The following SYT16 variants were observed in gnomAD, a reference collection of about 807,000 sequenced individuals.
SYT16 encodes synaptotagmin 16, also known as synaptotagmin-16.
Under a neutral mutation model 61.4 loss-of-function variants are expected in SYT16, and 42 were observed. That is an observed-to-expected ratio of 0.68 (90% CI 0.53 to 0.89). The LOEUF (loss-of-function observed/expected upper bound fraction) is 0.89. Among genes scored for constraint, SYT16 ranks in the 40% least tolerant of loss-of-function variants. The probability of loss-of-function intolerance (pLI) is 0.00; values close to 1 mark genes in which losing one functional copy is unlikely to be tolerated. For synonymous variants in SYT16, 314 were observed against 302.3 expected (o/e 1.04, Z -0.40); for missense variants, 804 against 807.3 (o/e 1.00, Z 0.05).
chr14:62,014,919 A>G (rs2053608283), intron 3 of SYT16, among the ~76,000 whole-genome samples: 2 of 152,214 alleles, frequency 1.3e-5, no homozygotes, highest in Admixed American at 6.5e-5. Flanking sequence ...ATCCTGAAAT[A>G]CTAAGTACAC....
intron 3 of SYT16, among the ~76,000 whole-genome samples, chr14:62,049,793 A>G (rs1180336857): frequency 6.6e-6 from 1 of 152,210 alleles, no homozygotes; most frequent in African/African-American, 2.4e-5. Context: ...AATGTTGAAT[A>G]TTGGTTCCCA....
intron 3 of SYT16, among the ~76,000 whole-genome samples, chr14:62,023,770 G>A: frequency 6.6e-6 from 1 of 152,050 alleles, no homozygotes; most frequent in East Asian, 1.9e-4. Context: ...TTTGTGGGAT[G>A]GTTATTCTGA....
At chr14:61,967,989 G>A (rs985499912) in intron 1 of SYT16, among the ~76,000 whole-genome samples, 3 of 152,058 alleles carry the variant, frequency 2.0e-5, no homozygotes, top group East Asian at 1.9e-4. Context: ...GGCTGGGTGC[G>A]GTGGCTCATG....
At chr14:62,090,646 T>C (rs1297726725) in intron 7 of SYT16, among the ~76,000 whole-genome samples, 1 of 152,226 alleles carries the variant, frequency 6.6e-6, no homozygotes, top group Non-Finnish European at 1.5e-5. Context: ...GTGATATTCC[T>C]TTTTCTACAT....
chr14:61,854,480 A>T (rs2046716396), intron 1 of SYT16, among the ~76,000 whole-genome samples: 1 of 152,222 alleles, frequency 6.6e-6, no homozygotes, highest in Non-Finnish European at 1.5e-5. Flanking sequence ...GATCCTTGTC[A>T]CTATTACTAT....
chr14:62,061,733 C>T (rs2055834724), intron 3 of SYT16, among the ~76,000 whole-genome samples: 1 of 151,746 alleles, frequency 6.6e-6, no homozygotes, highest in African/African-American at 2.4e-5. Flanking sequence ...TTAAGGGCTT[C>T]AAAATACATG....
At chr14:61,845,166 G>A (rs2046408604) in intron 1 of SYT16, among the ~76,000 whole-genome samples, 1 of 150,402 alleles carries the variant, frequency 6.6e-6, no homozygotes, top group Non-Finnish European at 1.5e-5. Context: ...TCTGGCCTCA[G>A]GCTCCCAAGT....
chr14:62,011,872 T>C (rs5014501), intron 3 of SYT16, among the ~76,000 whole-genome samples: 63,782 of 134,390 alleles, frequency 0.47, 15,547 homozygotes, highest in East Asian at 0.7. Flanking sequence ...GAACACTATA[T>C]ATACACACAC....
Position 61,863,626 on chromosome 14 carries a change from A to C in SYT16, c.-325+50816A>C, listed in dbSNP as rs2047034189. Among the ~76,000 whole-genome samples the C allele has an allele frequency of 2.0e-5, 3 of 152,338 alleles. No individual in the cohort carries two copies. In the South Asian group the frequency reaches 6.2e-4, roughly 32 times the overall value. ...AAAGATTTAATTTTAATAAAGTCCA[A>C]CTTATCAATTCTTTCTTTTGTGGAT... On this transcript the variant is annotated intron_variant, in intron 1 of 7. Transcript: ENST00000683842.
chr14:61,976,605 C>T (rs1295773137), intron 2 of SYT16, among the ~76,000 whole-genome samples: 1 of 152,194 alleles, frequency 6.6e-6, no homozygotes, highest in African/African-American at 2.4e-5. Flanking sequence ...TCTGAAGCAA[C>T]ACCCTGAGCT....
At chr14:61,874,076 A>T (rs2047412279) in intron 1 of SYT16, among the ~76,000 whole-genome samples, 2 of 152,156 alleles carry the variant, frequency 1.3e-5, no homozygotes, top group South Asian at 2.1e-4. Flanking sequence ...TTTGGAGGTG[A>T]ATTTGGGGGT....
chr14:62,069,989 A>T (rs1286262597), intron 4 of SYT16, among the ~76,000 whole-genome samples, 174 bp downstream of exon 4: 4 of 152,192 alleles, frequency 2.6e-5, no homozygotes, highest in Non-Finnish European at 5.9e-5. Flanking sequence ...GGGGACTGCC[A>T]TGCAGGAGGT....
At chr14:61,920,988 A>T (rs2049314651) in intron 1 of SYT16, among the ~76,000 whole-genome samples, 1 of 152,206 alleles carries the variant, frequency 6.6e-6, no homozygotes, top group Non-Finnish European at 1.5e-5. Context: ...AGCCTTCAGT[A>T]AACTCTCCTC....
intron 1 of SYT16, among the ~76,000 whole-genome samples, chr14:61,814,599 CT>C (rs1359233259): frequency 2.0e-5 from 3 of 152,204 alleles, no homozygotes; most frequent in African/African-American, 7.2e-5. Context: ...AAGAATCAAA[CT>C]TTTGCCCATT....
At chr14:62,011,255 C>T (rs1340170011) in intron 3 of SYT16, among the ~76,000 whole-genome samples, 2 of 152,102 alleles carry the variant, frequency 1.3e-5, no homozygotes, top group Non-Finnish European at 2.9e-5. Context: ...GACCCAGTTT[C>T]TCCCCTTCAA....
At chr14:61,915,169 G>A (rs1412621843) in intron 1 of SYT16, among the ~76,000 whole-genome samples, 1 of 151,996 alleles carries the variant, frequency 6.6e-6, no homozygotes, top group African/African-American at 2.4e-5. Context: ...ATAGCCGGAT[G>A]GTCAACAAAA....
intron 7 of SYT16, among the ~76,000 whole-genome samples, chr14:62,087,454 C>G (rs1287973011): frequency 1.3e-5 from 2 of 152,214 alleles, no homozygotes; most frequent in African/African-American, 2.4e-5. Context: ...GTGCAGTTAC[C>G]TCTTCCGTGA....
Position 62,081,286 on chromosome 14 carries a change from A to G in SYT16, c.1434+12A>G. The G allele has an allele frequency of 1.2e-6, 2 of 1,608,126 alleles. No individual in the cohort carries two copies. Among genetic ancestry groups the G allele is most frequent in the South Asian group, 1.1e-5 (1 of 89,852 alleles). Reference sequence around the variant, plus strand: ...GAAGTAATATAAGCGTGAGTATGTTAAATGGTGCTGCTAATGATGTGGTGT... The same window carrying G: ...GAAGTAATATAAGCGTGAGTATGTTGAATGGTGCTGCTAATGATGTGGTGT... On this transcript the variant is annotated intron_variant, in intron 6 of 7. Transcript: ENST00000683842.
At chr14:61,893,314 G>A (rs899720510) in intron 1 of SYT16, among the ~76,000 whole-genome samples, 1 of 152,172 alleles carries the variant, frequency 6.6e-6, no homozygotes, top group African/African-American at 2.4e-5. Flanking sequence ...TGACTTGTAC[G>A]TTTATGCTTT....
Sources: gnomAD v4.1 joint callset for allele counts (sites outside exome capture counted in the v4.1 genomes callset) on GRCh38, gnomAD v4.1.1 for gene constraint, MANE v1.5 for transcripts, NCBI Gene and HGNC (gene_info 2026-07-23, HGNC 2026-07-21) for gene names.